The following PIM3 variants were observed in gnomAD, a reference collection of about 807,000 sequenced individuals.
PIM3 encodes Pim-3 proto-oncogene, serine/threonine kinase, also known as serine/threonine-protein kinase pim-3.
PIM3 carries 13 observed loss-of-function variants against 27.5 expected under a neutral mutation model. That is an observed-to-expected ratio of 0.47 (90% confidence interval 0.31 to 0.75). The LOEUF is 0.75. Ranked by LOEUF, PIM3 falls within the 30% of genes least tolerant of loss-of-function variation. PIM3 has a pLI of 0.05. For synonymous variants in PIM3, 341 were observed against 221.1 expected, an observed-to-expected ratio of 1.54 and a Z score of -4.81; for missense variants, 482 against 476.9, an observed-to-expected ratio of 1.01 and a Z score of -0.10.
At position 49,961,958 on chromosome 22, in the gene PIM3, C is replaced by T. The variant is rs770156614; in HGVS notation, c.616+147C>T. On this transcript the variant is annotated intron_variant, in intron 4 of 5. Coordinates refer to ENST00000360612, the MANE Select transcript of PIM3 (RefSeq NM_001001852.4). ...GTGGGGAGCAGAGGCCCACGCGCTA[C>T]CCTGGGGAGGGCTGAGCGAGGGATC... 7.1e-5 allele frequency: 90 copies of T among 1,264,430 alleles called. 1 individual carries two copies. The highest frequency in any genetic ancestry group is 8.7e-5 in the Non-Finnish European group (81 of 927,316). The allele number at this position is 1,264,430 out of a possible 1,614,324, so 78.3% of individuals were successfully genotyped here.
chr22:49,962,637 G>A (rs561441122), intron 4 of PIM3, 52 bp from the exon 5 acceptor site: 2 of 1,554,518 alleles, frequency 1.3e-6, no homozygotes, highest in Non-Finnish European at 1.7e-6. Flanking sequence ...CTCGCCGTCT[G>A]TTGAGCGGCT....
rs926809294 is a variant in PIM3 at position 49,962,884 on chromosome 22, C to T, written c.793+19C>T. On this transcript the variant is annotated intron_variant, in intron 5 of 5. Coordinates refer to ENST00000360612, the MANE Select transcript of PIM3 (RefSeq NM_001001852.4). ...TCTCCAGGTGCGTGGTGGCTCGAGGCGGGGGTGGGGGCCTCGCCCTGCTTG... is the reference window on the plus strand; with the variant it reads ...TCTCCAGGTGCGTGGTGGCTCGAGGTGGGGGTGGGGGCCTCGCCCTGCTTG... 7.5e-6 allele frequency: 12 copies of T among 1,597,378 alleles called. No homozygotes were observed. Among genetic ancestry groups the T allele is most frequent in the African/African-American group, 2.7e-5 (2 of 74,596 alleles).
In PIM3 at chr22:49,961,777, G is replaced by C; in HGVS notation, c.582G>C (p.Ala194=). 6.2e-7 allele frequency: 1 copy of C among 1,611,874 alleles called. No individual in the cohort carries two copies. The highest frequency in any genetic ancestry group is 8.5e-7 in the Non-Finnish European group (1 of 1,179,454). The change falls in exon 4 of 6, where the codon GCG becomes GCC. Residue 194 remains alanine, a synonymous_variant. Transcript: ENST00000360612. ...AGCTCATCGACTTCGGTTCGGGTGC[G>C]CTGCTCAAGGACACGGTCTACACCG... is the stretch of plus-strand genomic sequence containing the variant. The part of the protein sequence containing the change: ...ELKLIDFGSG[A]LLKDTVYTDF...
rs1190367753 is a variant in PIM3 at position 49,960,898 on chromosome 22, C to T, written c.-50C>T. ...CGGCGCGCCGCTCGCCCGGATCGGC[C>T]GCGGCTTCGGCGCCTGGGGCTCGGG... On this transcript the variant is annotated 5_prime_UTR_variant, in exon 1 of 6. Coordinates refer to ENST00000360612, the MANE Select transcript of PIM3 (RefSeq NM_001001852.4). 3.4e-6 allele frequency: 4 copies of T among 1,181,020 alleles called. No homozygotes were observed. Among genetic ancestry groups the T allele is most frequent in the East Asian group, 4.5e-5 (1 of 22,210 alleles). The allele number at this position is 1,181,020 out of a possible 1,614,324, so 73.2% of individuals were successfully genotyped here.
chr22:49,961,398 CG>C, intron 3 of PIM3, 30 bp downstream of exon 3: 9 of 1,414,032 alleles, frequency 6.4e-6, no homozygotes, highest in South Asian at 1.6e-5. Flanking sequence ...GCGGCGGCGG[CG>C]GGGGGCGGGC....
rs750652937 is a variant in PIM3 at position 49,962,746 on chromosome 22, C to T, written c.674C>T (p.Ser225Leu). 4 of 1,612,748 alleles carry T rather than the reference C, an allele frequency of 2.5e-6. No individual in the cohort carries two copies. The highest frequency in any genetic ancestry group is 1.6e-4 in the Middle Eastern group (1 of 6,062). The change falls in exon 5 of 6, where the codon TCG becomes TTG. Residue 225 changes from serine (S) to leucine (L), a missense_variant. Coordinates refer to ENST00000360612, the MANE Select transcript of PIM3 (RefSeq NM_001001852.4). ...CGCTACCACCGCTACCACGGGCGCT[C>T]GGCCACCGTGTGGTCGCTGGGCGTG... is the stretch of plus-strand genomic sequence containing the variant. The part of the protein sequence containing the change: ...WIRYHRYHGR[S>L]ATVWSLGVLL...
rs1227649089 is a variant in PIM3 at position 49,963,561 on chromosome 22, CCCG to C, written c.*440_*442del. On this transcript the variant is annotated 3_prime_UTR_variant, in exon 6 of 6. Coordinates refer to ENST00000360612, the MANE Select transcript of PIM3 (RefSeq NM_001001852.4). ...CGCCCGCCCGCCCACGCGAGCCGTA[CCCG>C]CCGCCAACTCTGTTATTTATGGTGT... 1 of 159,234 alleles carries C rather than the reference CCCG, an allele frequency of 6.3e-6. No homozygotes were observed. Among genetic ancestry groups the C allele is most frequent in the African/African-American group, 2.4e-5 (1 of 41,682 alleles). 9.9% of individuals were successfully genotyped at this position (159,234 alleles called of 1,614,324 possible). A position where few individuals can be genotyped will look rare whatever the true frequency, so the allele number is the denominator to read the frequency against.
chr22:49,962,896 C>T (rs755459715), intron 5 of PIM3, 31 bp downstream of exon 5: 2 of 1,597,928 alleles, frequency 1.3e-6, no homozygotes, highest in South Asian at 2.2e-5. Context: ...GGGGTGGGGG[C>T]CTCGCCCTGC....
Position 49,963,349 on chromosome 22 carries a change from T to G in PIM3, c.*222T>G. ...AAGACGCTCCGGTCGAGGTCCCGCC[T>G]GCCCTGGGTGGATACTTGAACCCCA... On this transcript the variant is annotated 3_prime_UTR_variant, in exon 6 of 6. Transcript: ENST00000360612. The G allele has an allele frequency of 1.9e-6, 1 of 529,460 alleles. No homozygotes were observed. Among genetic ancestry groups the G allele is most frequent in the Non-Finnish European group, 3.3e-6 (1 of 304,774 alleles). The allele number at this position is 529,460 out of a possible 1,614,324, so 32.8% of individuals were successfully genotyped here.
Position 49,960,899 on chromosome 22 carries a change from G to A in PIM3, c.-49G>A. Reference sequence around the variant, plus strand: ...GGCGCGCCGCTCGCCCGGATCGGCCGCGGCTTCGGCGCCTGGGGCTCGGGG... The same window carrying A: ...GGCGCGCCGCTCGCCCGGATCGGCCACGGCTTCGGCGCCTGGGGCTCGGGG... On this transcript the variant is annotated 5_prime_UTR_variant, in exon 1 of 6. Transcript: ENST00000360612. 8.5e-7 allele frequency: 1 copy of A among 1,182,286 alleles called. No individual in the cohort carries two copies. The highest frequency in any genetic ancestry group is 3.4e-4 in the Middle Eastern group (1 of 2,910). 73.2% of individuals were successfully genotyped at this position (1,182,286 alleles called of 1,614,324 possible). A position where few individuals can be genotyped will look rare whatever the true frequency, so the allele number is the denominator to read the frequency against.
rs1198818331 is a variant in PIM3, at chr22:49,960,823, G to A, written c.-125G>A. ...TCTACGCGGTCCCCGCGGGCCTTCC[G>A]GGCCCACTGCGCCGCGCGGACCGCC... is the stretch of plus-strand genomic sequence containing the variant. On this transcript the variant is annotated 5_prime_UTR_variant, in exon 1 of 6. Coordinates refer to ENST00000360612, the MANE Select transcript of PIM3 (RefSeq NM_001001852.4). 2 of 550,120 alleles carry A rather than the reference G, an allele frequency of 3.6e-6. No individual in the cohort carries two copies. Among genetic ancestry groups the A allele is most frequent in the Non-Finnish European group, 4.8e-6 (2 of 418,300 alleles). 34.1% of individuals were successfully genotyped at this position (550,120 alleles called of 1,614,324 possible).
chr22:49,961,655 G>A lies in PIM3; in HGVS notation c.460G>A (p.Val154Met), dbSNP rs754289668. ...GCTGGCGCGCCGCTTCTTCGCGCAG[G>A]TGCTGGCCGCCGTGCGCCACTGCCA... The part of the protein sequence containing the change: ...EPLARRFFAQ[V>M]LAAVRHCHSC... The change falls in exon 4 of 6, where the codon GTG (valine) becomes ATG (methionine). Residue 154 changes from valine (V) to methionine (M), a missense_variant. Coordinates refer to ENST00000360612, the MANE Select transcript of PIM3 (RefSeq NM_001001852.4). 6 of 1,577,066 alleles carry A rather than the reference G, an allele frequency of 3.8e-6. No homozygotes were observed. The highest frequency in any genetic ancestry group is 1.8e-5 in the Admixed American group (1 of 54,288).
chr22:49,963,182 C>A lies in PIM3; in HGVS notation c.*55C>A, dbSNP rs1217552039. 2.7e-6 allele frequency: 4 copies of A among 1,465,810 alleles called. No homozygotes were observed. The highest frequency in any genetic ancestry group is 3.6e-6 in the Non-Finnish European group (4 of 1,102,508). The allele number at this position is 1,465,810 out of a possible 1,614,324, so 90.8% of individuals were successfully genotyped here. ...CCACCTGCCTTGGCCAGACCTGGGA[C>A]GCCCCCAGACCCTGACTTTCTCCTG... On this transcript the variant is annotated 3_prime_UTR_variant, in exon 6 of 6. Coordinates refer to ENST00000360612, the MANE Select transcript of PIM3 (RefSeq NM_001001852.4).
At chr22:49,962,377 C>T (rs1029311667) in intron 4 of PIM3, among the ~76,000 whole-genome samples, 6 of 141,932 alleles carry the variant, frequency 4.2e-5, no homozygotes, top group African/African-American at 1.0e-4. Context: ...CAGGCAGGCG[C>T]GCCGGGCGGT....
At chr22:49,962,123 C>A (rs996327234) in intron 4 of PIM3, among the ~76,000 whole-genome samples, 1 of 152,042 alleles carries the variant, frequency 6.6e-6, no homozygotes, top group African/African-American at 2.4e-5. Flanking sequence ...CGGCTGGGGG[C>A]GGTAGCGGAG....
Position 49,961,618 on chromosome 22 carries a change from C to A in PIM3, c.423C>A (p.Ala141=), listed in dbSNP as rs1441459887. ...TCGACTTTATCACGGAGCGCGGCGC[C>A]CTGGACGAGCCGCTGGCGCGCCGCT... ...DLFDFITERG[A]LDEPLARRFF... Residue 141 remains alanine (A), a synonymous_variant, in exon 4 of 6, where the codon GCC becomes GCA. Coordinates refer to ENST00000360612, the MANE Select transcript of PIM3 (RefSeq NM_001001852.4). 8 of 1,551,610 alleles carry A rather than the reference C, an allele frequency of 5.2e-6. No homozygotes were observed. The highest frequency in any genetic ancestry group is 4.4e-6 in the Non-Finnish European group (5 of 1,148,604).
chr22:49,962,336 T>TCCCTCCCTCTCTCCCCTCCC (rs2060912340), intron 4 of PIM3, among the ~76,000 whole-genome samples: 1 of 29,638 alleles, frequency 3.4e-5, no homozygotes, highest in Admixed American at 3.0e-4. Context: ...CCCTCCCTCC[T>TCCCTCCCTCTCTCCCCTCCC]CCCTCCCTCT....
In PIM3 at chr22:49,962,693, C is replaced by G; in HGVS notation, c.621C>G (p.Thr207=). 1 of 1,609,624 alleles carries G rather than the reference C, an allele frequency of 6.2e-7. No homozygotes were observed. Residue 207 remains threonine (T), a synonymous_variant, in exon 5 of 6, where the codon ACC becomes ACG. Coordinates refer to ENST00000360612, the MANE Select transcript of PIM3 (RefSeq NM_001001852.4). ...KDTVYTDFDG[T]RVYSPPEWIR... ...CTAAGCCCTGTGTCCCCTTAGGCAC[C>G]CGAGTGTACAGCCCCCCGGAGTGGA... is the stretch of plus-strand genomic sequence containing the variant.
intron 4 of PIM3, among the ~76,000 whole-genome samples, chr22:49,962,337 C>CCCT (rs2060912362): frequency 6.7e-6 from 1 of 148,256 alleles, no homozygotes; most frequent in African/African-American, 2.5e-5. Flanking sequence ...CCTCCCTCCT[C>CCCT]CCTCCCTCTC....
Sources: allele counts gnomAD v4.1 joint callset (sites outside exome capture counted in the v4.1 genomes callset), GRCh38; gene constraint gnomAD v4.1.1; transcripts MANE v1.5; gene names NCBI Gene and HGNC (gene_info 2026-07-23, HGNC 2026-07-21).